Variants in SAXO1 observed in about 807,000 individuals in gnomAD.
The protein encoded by SAXO1 is stabilizer of axonemal microtubules 1.
Under a neutral mutation model 17.5 loss-of-function variants are expected in SAXO1, and 21 were observed. That is an observed-to-expected ratio of 1.20 (90% confidence interval 0.85 to 1.72). The LOEUF (loss-of-function observed/expected upper bound fraction) is 1.72, where lower values mean the gene tolerates loss of function less well. Among genes scored for constraint, SAXO1 ranks in the 40% most tolerant of loss-of-function variants. SAXO1 has a pLI of 0.00. For missense variants in SAXO1, 843 were observed against 596.0 expected, an observed-to-expected ratio of 1.41 and a Z score of -4.32; for synonymous variants, 274 against 216.5, an observed-to-expected ratio of 1.27 and a Z score of -2.33.
At chr9:18,951,791 G>A (rs191837281) in intron 1 of SAXO1, among the ~76,000 whole-genome samples, 3 of 152,228 alleles carry the variant, frequency 2.0e-5, no homozygotes, top group Admixed American at 6.5e-5. Flanking sequence ...TACACTGTAC[G>A]TGTACACTGT....
intron 1 of SAXO1, among the ~76,000 whole-genome samples, chr9:19,019,297 G>T (rs1014715056): frequency 1.3e-5 from 2 of 152,000 alleles, no homozygotes; most frequent in African/African-American, 4.8e-5. Flanking sequence ...AAAGAAAAAA[G>T]GCTCTTCTGT....
intron 1 of SAXO1, among the ~76,000 whole-genome samples, chr9:19,040,356 T>C (rs1040651036): frequency 6.6e-6 from 1 of 152,094 alleles, no homozygotes; most frequent in Non-Finnish European, 1.5e-5. Flanking sequence ...TTAAAGATGT[T>C]AGAAAATGTT....
intron 1 of SAXO1, among the ~76,000 whole-genome samples, chr9:18,973,122 G>C (rs1423690349): frequency 6.6e-6 from 1 of 152,202 alleles, no homozygotes; most frequent in Non-Finnish European, 1.5e-5. Context: ...AGTAGTTCAA[G>C]TGACCACCCA....
intron 1 of SAXO1, among the ~76,000 whole-genome samples, chr9:19,006,258 T>C (rs1417978069): frequency 6.6e-6 from 1 of 152,198 alleles, no homozygotes; most frequent in African/African-American, 2.4e-5. Context: ...GATCCACCAA[T>C]TCGACTTTCA....
intron 1 of SAXO1, among the ~76,000 whole-genome samples, chr9:18,955,043 A>T (rs961103747): frequency 3.3e-5 from 5 of 151,946 alleles, no homozygotes; most frequent in Non-Finnish European, 7.4e-5. Flanking sequence ...TTAGAAGGGT[A>T]AAAAAAAGCC....
Position 19,033,067 on chromosome 9 carries a change from C to A in SAXO1, c.-159G>T. ...ATTTAAGTGGCCCTTTTGCAATGTC[C>A]TGTCGTCTGTTGCCCTCCTGGAGCT... On this transcript the variant is annotated 5_prime_UTR_variant, in exon 1 of 4. In the 5' UTR this introduces an upstream ATG that the reference lacks. Coordinates refer to ENST00000380534, the MANE Select transcript of SAXO1 (RefSeq NM_153707.4). 1.5e-6 allele frequency: 1 copy of A among 670,784 alleles called. No homozygotes were observed. 41.6% of individuals were successfully genotyped at this position (670,784 alleles called of 1,614,324 possible).
chr9:19,013,448 T>C (rs538435472), intron 1 of SAXO1, among the ~76,000 whole-genome samples: 3 of 152,158 alleles, frequency 2.0e-5, no homozygotes, highest in Non-Finnish European at 4.4e-5. Flanking sequence ...GAACACATCC[T>C]GTCTCAGGGC....
chr9:18,932,117 C>A (rs966336016), intron 3 of SAXO1, among the ~76,000 whole-genome samples: 1 of 152,132 alleles, frequency 6.6e-6, no homozygotes, highest in Non-Finnish European at 1.5e-5. Context: ...TGTCTAAATT[C>A]TTTGCCTGTC....
intron 1 of SAXO1, among the ~76,000 whole-genome samples, chr9:19,029,135 C>A (rs1358670144): frequency 6.6e-6 from 1 of 152,178 alleles, no homozygotes. Context: ...CAGATGGACA[C>A]CTTTTTATCC....
chr9:18,970,592 C>T (rs1451027085), intron 1 of SAXO1, among the ~76,000 whole-genome samples: 1 of 152,202 alleles, frequency 6.6e-6, no homozygotes, highest in African/African-American at 2.4e-5. Flanking sequence ...AATCTATCTA[C>T]ACGCATATGA....
intron 1 of SAXO1, among the ~76,000 whole-genome samples, chr9:18,989,434 A>G (rs909625278): frequency 2.0e-5 from 3 of 152,206 alleles, no homozygotes; most frequent in Non-Finnish European, 4.4e-5. Flanking sequence ...TAAGTGCTCA[A>G]ATAGCCATAG....
intron 2 of SAXO1, 24 bp downstream of exon 2, chr9:18,950,734 T>C (rs762047455): frequency 3.1e-5 from 49 of 1,593,966 alleles, no homozygotes; most frequent in Non-Finnish European, 4.0e-5. Flanking sequence ...TGTACCTGCA[T>C]ACATTAATAC....
At chr9:18,949,658 G>C (rs546825295) in intron 2 of SAXO1, among the ~76,000 whole-genome samples, 1 of 136,652 alleles carries the variant, frequency 7.3e-6, no homozygotes, top group South Asian at 2.6e-4. Flanking sequence ...GCATTGTGTA[G>C]AGAAGAGCAC....
chr9:19,040,437 G>A (rs1356849794), intron 1 of SAXO1, among the ~76,000 whole-genome samples: 1 of 152,020 alleles, frequency 6.6e-6, no homozygotes, highest in Non-Finnish European at 1.5e-5. Flanking sequence ...GAGGCCAGGA[G>A]TTCGAGACCA....
At chr9:18,994,706 C>A (rs1588497375) in intron 1 of SAXO1, among the ~76,000 whole-genome samples, 2 of 152,224 alleles carry the variant, frequency 1.3e-5, no homozygotes, top group East Asian at 3.8e-4. Flanking sequence ...TTAGTTGTCA[C>A]CTACAAAAGG....
chr9:18,961,790 A>G (rs918776029), intron 1 of SAXO1, among the ~76,000 whole-genome samples: 2 of 152,198 alleles, frequency 1.3e-5, no homozygotes, highest in South Asian at 4.1e-4. Context: ...TAGTGCTTCA[A>G]TAAACATACG....
intron 1 of SAXO1, among the ~76,000 whole-genome samples, chr9:19,002,893 G>C (rs924594910): frequency 6.6e-6 from 1 of 152,152 alleles, no homozygotes; most frequent in Non-Finnish European, 1.5e-5. Flanking sequence ...GTTCTGCTGG[G>C]GCAATCAGGC....
Position 19,033,069 on chromosome 9 carries a change from G to A in SAXO1, c.-161C>T. ...TTAAGTGGCCCTTTTGCAATGTCCTGTCGTCTGTTGCCCTCCTGGAGCTGG... is the reference window on the plus strand; with the variant it reads ...TTAAGTGGCCCTTTTGCAATGTCCTATCGTCTGTTGCCCTCCTGGAGCTGG... On this transcript the variant is annotated 5_prime_UTR_variant, in exon 1 of 4. Transcript: ENST00000380534. The A allele has an allele frequency of 3.0e-6, 2 of 660,346 alleles. No individual in the cohort carries two copies. Among genetic ancestry groups the A allele is most frequent in the Non-Finnish European group, 4.8e-6 (2 of 416,788 alleles). 40.9% of individuals were successfully genotyped at this position (660,346 alleles called of 1,614,324 possible). A position where few individuals can be genotyped will look rare whatever the true frequency, so the allele number is the denominator to read the frequency against.
intron 1 of SAXO1, among the ~76,000 whole-genome samples, chr9:18,992,417 A>G (rs1354894365): frequency 6.6e-6 from 1 of 152,112 alleles, no homozygotes; most frequent in African/African-American, 2.4e-5. Flanking sequence ...TTTCTCTTTT[A>G]ATAAGGATGC....
Sources: gnomAD v4.1 joint callset for allele counts (sites outside exome capture counted in the v4.1 genomes callset) on GRCh38, gnomAD v4.1.1 for gene constraint, MANE v1.5 for transcripts, NCBI Gene and HGNC (gene_info 2026-07-23, HGNC 2026-07-21) for gene names.